The following UQCC1 variants were observed in gnomAD, a reference collection of about 807,000 sequenced individuals.
UQCC1 encodes ubiquinol-cytochrome c reductase complex assembly factor 1.
A neutral mutation model predicts 48.0 loss-of-function variants in UQCC1; 38 were observed. The ratio of observed to expected loss-of-function variants is 0.79; its 90% CI spans 0.61 to 1.04. UQCC1 has a LOEUF of 1.04. UQCC1 is among the 50% of genes least tolerant of loss of function. The pLI is 0.00. For missense variants in UQCC1, 368 were observed against 381.8 expected, an observed-to-expected ratio of 0.96 and a Z score of 0.30; for synonymous variants, 111 against 129.2, an observed-to-expected ratio of 0.86 and a Z score of 0.95.
chr20:35,321,032 G>A (rs2061118397), intron 7 of UQCC1, among the ~76,000 whole-genome samples: 1 of 152,220 alleles, frequency 6.6e-6, no homozygotes, highest in African/African-American at 2.4e-5. Context: ...ACAGGCTGAT[G>A]TGCACTGAAC....
chr20:35,321,151 T>C (rs957481770), intron 7 of UQCC1, among the ~76,000 whole-genome samples: 2 of 152,142 alleles, frequency 1.3e-5, no homozygotes, highest in Admixed American at 6.5e-5. Context: ...ACGGGGGACA[T>C]GGAGAGACCA....
chr20:35,315,772 C>A (rs1283061820), intron 7 of UQCC1, among the ~76,000 whole-genome samples: 1 of 152,102 alleles, frequency 6.6e-6, no homozygotes, highest in Admixed American at 6.6e-5. Flanking sequence ...TGACTGTAGT[C>A]CCGGCTACTT....
At position 35,338,856 on chromosome 20, in the gene UQCC1, G is replaced by GAAA. The variant is rs1172467457; in HGVS notation, c.573+8305_573+8307dup. On this transcript the variant is annotated intron_variant, in intron 7 of 9. Transcript: ENST00000374385. ...GAGAAAGCAAGACTCCGTCTCAAAA[G>GAAA]AAAAAAAAAAAAAAAAAAAAAAAAA... Among the ~76,000 whole-genome samples, 2 of 26,846 alleles carry GAAA rather than the reference G, an allele frequency of 7.4e-5. 1 individual carries two copies. Among genetic ancestry groups the GAAA allele is most frequent in the Non-Finnish European group, 1.1e-4 (2 of 18,202 alleles). 17.6% of individuals were successfully genotyped at this position (26,846 alleles called of 152,430 possible).
chr20:35,392,098 C>T (rs942573556), intron 2 of UQCC1: 2 of 555,238 alleles, frequency 3.6e-6, no homozygotes, highest in South Asian at 3.4e-5. Context: ...TACATTCATC[C>T]TACCACTGCC....
At chr20:35,382,134 T>C in intron 3 of UQCC1, 109 bp from the exon 4 acceptor site, 1 of 615,884 alleles carries the variant, frequency 1.6e-6, no homozygotes, top group East Asian at 2.8e-5. Flanking sequence ...ACAGTCAGGG[T>C]CTCCTCCCCT....
intron 6 of UQCC1, among the ~76,000 whole-genome samples, chr20:35,363,626 T>A (rs146606882): frequency 6.6e-6 from 1 of 152,328 alleles, no homozygotes; most frequent in African/African-American, 2.4e-5. Context: ...AGGGAACCCT[T>A]ACCCTTGGGA....
intron 4 of UQCC1, among the ~76,000 whole-genome samples, chr20:35,380,038 G>A (rs911788959): frequency 6.6e-6 from 1 of 152,004 alleles, no homozygotes; most frequent in Non-Finnish European, 1.5e-5. Flanking sequence ...AAACAGCCTA[G>A]ACAAAACATA....
intron 6 of UQCC1, among the ~76,000 whole-genome samples, chr20:35,363,126 T>G (rs2061626656): frequency 6.6e-6 from 1 of 151,940 alleles, no homozygotes; most frequent in African/African-American, 2.4e-5. Flanking sequence ...CTGTATCAGA[T>G]TCATGTGTCC....
At chr20:35,347,376 C>A in intron 6 of UQCC1, 104 bp from the exon 7 acceptor site, 1 of 1,366,284 alleles carries the variant, frequency 7.3e-7, no homozygotes, top group Non-Finnish European at 1.0e-6. Context: ...GCAAAGGGCA[C>A]CAAATCAAAC....
At chr20:35,399,458 G>A (rs956413951) in intron 1 of UQCC1, among the ~76,000 whole-genome samples, 5 of 152,084 alleles carry the variant, frequency 3.3e-5, no homozygotes, top group Non-Finnish European at 7.4e-5. Context: ...AGATTCTCTG[G>A]TTTGGGAATC....
intron 1 of UQCC1, among the ~76,000 whole-genome samples, chr20:35,410,716 A>AC (rs1555820304): frequency 9.2e-6 from 1 of 108,732 alleles, no homozygotes; most frequent in East Asian, 3.0e-4. Flanking sequence ...AAAAAAAAAA[A>AC]AAAAAAAACA....
intron 1 of UQCC1, among the ~76,000 whole-genome samples, 161 bp downstream of exon 1, chr20:35,411,779 G>A (rs542672633): frequency 1.3e-5 from 2 of 152,320 alleles, no homozygotes; most frequent in Admixed American, 6.5e-5. Flanking sequence ...GGTAGGAAGA[G>A]GTCGGAAGCT....
chr20:35,384,217 AG>A, intron 2 of UQCC1, 84 bp from the exon 3 acceptor site: 1 of 1,244,360 alleles, frequency 8.0e-7, no homozygotes. Flanking sequence ...TAAAGACTAT[AG>A]GATCTTTCCA....
chr20:35,360,247 T>C (rs1042217622), intron 6 of UQCC1, among the ~76,000 whole-genome samples: 2 of 152,122 alleles, frequency 1.3e-5, no homozygotes, highest in Non-Finnish European at 2.9e-5. Flanking sequence ...GCTCACCATG[T>C]ATAGCAGGCC....
intron 7 of UQCC1, among the ~76,000 whole-genome samples, chr20:35,321,283 T>TGTGTGTGTGCGCGCGC (rs1389196330): frequency 3.5e-5 from 5 of 141,536 alleles, no homozygotes; most frequent in African/African-American, 1.4e-4. Flanking sequence ...TGTGTGTGTG[T>TGTGTGTGTGCGCGCGC]GCGCGCGCGC....
intron 1 of UQCC1, among the ~76,000 whole-genome samples, chr20:35,401,062 T>C (rs765422789): frequency 6.6e-6 from 1 of 152,154 alleles, no homozygotes. Flanking sequence ...AACACTGAGT[T>C]AGCAAATACT....
At chr20:35,386,344 G>A (rs2061942746) in intron 2 of UQCC1, 1 of 455,716 alleles carries the variant, frequency 2.2e-6, no homozygotes, top group Non-Finnish European at 4.4e-6. Flanking sequence ...TTTATTCCAA[G>A]AAGAAATGGA....
At chr20:35,384,410 G>A in intron 2 of UQCC1, 1 of 347,420 alleles carries the variant, frequency 2.9e-6, no homozygotes, top group East Asian at 7.0e-5. Flanking sequence ...GGAGGTCAAG[G>A]TGAGAGGATT....
chr20:35,355,298 G>T (rs2061534951), intron 6 of UQCC1, among the ~76,000 whole-genome samples: 1 of 152,238 alleles, frequency 6.6e-6, no homozygotes, highest in African/African-American at 2.4e-5. Flanking sequence ...CAAAGGCAAA[G>T]AATCAGTCTT....
Sources: gnomAD v4.1 joint callset for allele counts (sites outside exome capture counted in the v4.1 genomes callset) on GRCh38, gnomAD v4.1.1 for gene constraint, MANE v1.5 for transcripts, NCBI Gene and HGNC (gene_info 2026-07-23, HGNC 2026-07-21) for gene names.